The following CRADD variants were observed in gnomAD, a reference collection of about 807,000 sequenced individuals.
CRADD encodes CARD and death domain containing adaptor protein, also known as death domain-containing protein CRADD.
CRADD carries 9 observed loss-of-function variants against 15.5 expected under a neutral mutation model. The ratio of observed to expected loss-of-function variants is 0.58; its 90% CI spans 0.35 to 1.01. CRADD has a LOEUF of 1.01. Ranked by LOEUF, CRADD falls within the 50% of genes least tolerant of loss-of-function variation. CRADD has a pLI of 0.02. For missense variants in CRADD, 227 were observed against 250.3 expected, an observed-to-expected ratio of 0.91 and a Z score of 0.63; for synonymous variants, 118 against 107.6, an observed-to-expected ratio of 1.10 and a Z score of -0.60.
At chr12:93,804,336 A>T (rs1032136126) in intron 2 of CRADD, among the ~76,000 whole-genome samples, 1 of 152,142 alleles carries the variant, frequency 6.6e-6, no homozygotes, top group Non-Finnish European at 1.5e-5. Context: ...TGAAGGGAAA[A>T]TGCACACATT....
At chr12:93,771,049 C>G (rs531303699) in intron 2 of CRADD, among the ~76,000 whole-genome samples, 3 of 152,080 alleles carry the variant, frequency 2.0e-5, no homozygotes, top group Non-Finnish European at 4.4e-5. Context: ...ATAATTCTTT[C>G]CAATGGCTAT....
chr12:93,873,048 A>AT (rs1453192445), intron 2 of CRADD, among the ~76,000 whole-genome samples: 3 of 151,770 alleles, frequency 2.0e-5, no homozygotes, highest in Non-Finnish European at 4.4e-5. Context: ...AACATAGAAT[A>AT]TTTTTCTCTT....
chr12:93,828,458 A>C (rs192777175), intron 2 of CRADD, among the ~76,000 whole-genome samples: 2 of 152,212 alleles, frequency 1.3e-5, no homozygotes, highest in Admixed American at 6.5e-5. Context: ...ATTTGGGTCT[A>C]TGATCCATGT....
intron 2 of CRADD, among the ~76,000 whole-genome samples, chr12:93,822,600 G>C (rs2137020507): frequency 6.6e-6 from 1 of 152,248 alleles, no homozygotes; most frequent in African/African-American, 2.4e-5. Flanking sequence ...GTAGTGATGG[G>C]ACAAGTTCCC....
At chr12:93,772,708 G>T (rs891339176) in intron 2 of CRADD, among the ~76,000 whole-genome samples, 3 of 152,232 alleles carry the variant, frequency 2.0e-5, no homozygotes, top group Non-Finnish European at 4.4e-5. Flanking sequence ...TATGGGCTTA[G>T]TAGGAGCTTT....
At chr12:93,803,100 G>C (rs1490315155) in intron 2 of CRADD, among the ~76,000 whole-genome samples, 5 of 152,190 alleles carry the variant, frequency 3.3e-5, no homozygotes, top group Non-Finnish European at 7.3e-5. Flanking sequence ...GAGTAGATCA[G>C]GATGATTTCT....
intron 2 of CRADD, among the ~76,000 whole-genome samples, chr12:93,682,445 G>A (rs1955333315): frequency 6.6e-6 from 1 of 152,158 alleles, no homozygotes; most frequent in African/African-American, 2.4e-5. Flanking sequence ...GGGAAGGAAT[G>A]GCCTTCTTTT....
intron 2 of CRADD, among the ~76,000 whole-genome samples, chr12:93,822,745 T>C (rs1287472385): frequency 6.6e-6 from 1 of 152,224 alleles, no homozygotes; most frequent in Non-Finnish European, 1.5e-5. Context: ...ACTTCCTTTA[T>C]CCATGTAAAA....
intron 2 of CRADD, among the ~76,000 whole-genome samples, chr12:93,809,747 A>T (rs1957598311): frequency 6.6e-6 from 1 of 152,206 alleles, no homozygotes; most frequent in South Asian, 2.1e-4. Context: ...GCTGGTTTAC[A>T]CATTATTCTT....
intron 2 of CRADD, among the ~76,000 whole-genome samples, chr12:93,715,070 A>C (rs543993251): frequency 6.6e-6 from 1 of 152,316 alleles, no homozygotes; most frequent in South Asian, 2.1e-4. Flanking sequence ...TTTATTAAAA[A>C]AAAAATTCTT....
At chr12:93,827,938 A>C (rs1185696663) in intron 2 of CRADD, among the ~76,000 whole-genome samples, 2 of 152,108 alleles carry the variant, frequency 1.3e-5, no homozygotes, top group African/African-American at 4.8e-5. Flanking sequence ...CGTTTCTATG[A>C]GTTTGACTAT....
chr12:93,726,405 A>G (rs1312299248), intron 2 of CRADD, among the ~76,000 whole-genome samples: 1 of 152,070 alleles, frequency 6.6e-6, no homozygotes, highest in Non-Finnish European at 1.5e-5. Flanking sequence ...CACCTGGCCA[A>G]TAGTTTAGTT....
chr12:93,754,976 A>G (rs1956871791), intron 2 of CRADD, among the ~76,000 whole-genome samples: 1 of 152,010 alleles, frequency 6.6e-6, no homozygotes, highest in South Asian at 2.1e-4. Context: ...AAAAAAAAAA[A>G]AGGGTTTAGT....
At chr12:93,720,340 C>A (rs1956237461) in intron 2 of CRADD, among the ~76,000 whole-genome samples, 1 of 151,944 alleles carries the variant, frequency 6.6e-6, no homozygotes. Context: ...TGTTTTATGG[C>A]CTAAAATGTG....
chr12:93,733,267 C>T (rs191650718), intron 2 of CRADD, among the ~76,000 whole-genome samples: 1 of 152,136 alleles, frequency 6.6e-6, no homozygotes, highest in East Asian at 1.9e-4. Context: ...TAAGACTGTG[C>T]AGTATAAGAA....
chr12:93,794,139 G>A (rs977701606), intron 2 of CRADD, among the ~76,000 whole-genome samples: 1 of 152,114 alleles, frequency 6.6e-6, no homozygotes, highest in African/African-American at 2.4e-5. Context: ...GCACCCACAT[G>A]TTCTCATTTC....
chr12:93,842,920 G>T (rs372523901), intron 2 of CRADD, among the ~76,000 whole-genome samples: 1 of 152,056 alleles, frequency 6.6e-6, no homozygotes, highest in Non-Finnish European at 1.5e-5. Context: ...TTTTGAAACC[G>T]ACGAGTTTCA....
chr12:93,842,298 C>A (rs914044206), intron 2 of CRADD, among the ~76,000 whole-genome samples: 2 of 152,182 alleles, frequency 1.3e-5, no homozygotes, highest in African/African-American at 4.8e-5. Context: ...CACATCCAAC[C>A]AGTTATTCCA....
At chr12:93,816,586 G>T (rs112795012) in intron 2 of CRADD, among the ~76,000 whole-genome samples, 11 of 152,094 alleles carry the variant, frequency 7.2e-5, no homozygotes, top group Non-Finnish European at 1.0e-4. Flanking sequence ...TCAAAATCTG[G>T]TGTGCACTTC....
Sources: allele counts gnomAD v4.1 joint callset (sites outside exome capture counted in the v4.1 genomes callset), GRCh38; gene constraint gnomAD v4.1.1; transcripts MANE v1.5; gene names NCBI Gene and HGNC (gene_info 2026-07-23, HGNC 2026-07-21).